Variants in PDZD2 observed in about 807,000 individuals in gnomAD.
PDZD2 encodes the protein PDZ domain-containing protein 2.
In PDZD2, 90 loss-of-function variants were observed where a neutral mutation model predicts 220.7. The observed-to-expected ratio is 0.41, with a 90% confidence interval of 0.34 to 0.49. The LOEUF is 0.49. Ranked by LOEUF, PDZD2 falls within the 20% of genes least tolerant of loss-of-function variation. PDZD2 has a pLI of 0.28. For missense variants in PDZD2, 3,174 were observed against 3,608.5 expected (o/e 0.88, Z 3.08); for synonymous variants, 1,375 against 1,450.5 (o/e 0.95, Z 1.18).
At chr5:32,025,956 A>G (rs1295083643) in intron 6 of PDZD2, among the ~76,000 whole-genome samples, 1 of 151,996 alleles carries the variant, frequency 6.6e-6, no homozygotes, top group African/African-American at 2.4e-5. Context: ...AGTTAAAACA[A>G]TCTTTTTCTG....
intron 1 of PDZD2, among the ~76,000 whole-genome samples, chr5:31,658,659 G>A (rs567940971): frequency 1.3e-4 from 20 of 150,344 alleles, no homozygotes; most frequent in African/African-American, 3.9e-4. Flanking sequence ...TCACTCTGTC[G>A]CCCAGGCTGG....
At chr5:31,832,168 C>T (rs569329167) in intron 2 of PDZD2, among the ~76,000 whole-genome samples, 1 of 152,254 alleles carries the variant, frequency 6.6e-6, no homozygotes, top group South Asian at 2.1e-4. Context: ...GTTTGGATTA[C>T]AGGCATGAGC....
intron 2 of PDZD2, among the ~76,000 whole-genome samples, chr5:31,875,572 T>G (rs1739223869): frequency 6.9e-6 from 1 of 144,826 alleles, no homozygotes. Flanking sequence ...GGTGACAGAG[T>G]GAGACCCTGT....
At chr5:31,989,424 T>TTTTTTTTTTTTTTTATTTATTTA (rs1751018076) in intron 3 of PDZD2, among the ~76,000 whole-genome samples, 1 of 136,688 alleles carries the variant, frequency 7.3e-6, no homozygotes, top group Non-Finnish European at 1.5e-5. Context: ...TTCTTTTCTT[T>TTTTTTTTTTTTTTTATTTATTTA]TTTTTTTTTT....
intron 5 of PDZD2, among the ~76,000 whole-genome samples, chr5:32,004,505 T>C (rs539238237): frequency 2.6e-5 from 4 of 152,318 alleles, no homozygotes; most frequent in African/African-American, 4.8e-5. Context: ...GCAAGAAGAT[T>C]GCTTGAGTTT....
chr5:31,896,737 A>G (rs1284026008), intron 2 of PDZD2, among the ~76,000 whole-genome samples: 1 of 152,220 alleles, frequency 6.6e-6, no homozygotes, highest in Non-Finnish European at 1.5e-5. Context: ...AGGTGGGAAT[A>G]TTGCTTGAGT....
chr5:31,751,559 A>G (rs1044860590), intron 1 of PDZD2, among the ~76,000 whole-genome samples: 6 of 151,246 alleles, frequency 4.0e-5, no homozygotes, highest in Admixed American at 3.3e-4. Context: ...TGGTAAGCCC[A>G]TGTGTTTGCT....
At chr5:31,862,009 C>G (rs1296923755) in intron 2 of PDZD2, among the ~76,000 whole-genome samples, 1 of 151,826 alleles carries the variant, frequency 6.6e-6, no homozygotes, top group Non-Finnish European at 1.5e-5. Flanking sequence ...ACACCCTACA[C>G]CATCTGTGAT....
chr5:31,682,508 A>G (rs746805638), intron 1 of PDZD2, among the ~76,000 whole-genome samples: 28 of 152,238 alleles, frequency 1.8e-4, no homozygotes, highest in Non-Finnish European at 3.4e-4. Context: ...GCACAATCCA[A>G]TACTATTAAC....
At chr5:31,984,303 T>C (rs1750538704) in intron 3 of PDZD2, among the ~76,000 whole-genome samples, 2 of 152,216 alleles carry the variant, frequency 1.3e-5, no homozygotes, top group South Asian at 4.1e-4. Context: ...AGGTGTATTC[T>C]GAATGATAAG....
At chr5:32,078,638 TAAAA>T (rs66500422) in intron 19 of PDZD2, among the ~76,000 whole-genome samples, 3 of 104,924 alleles carry the variant, frequency 2.9e-5, no homozygotes, top group African/African-American at 7.9e-5. Flanking sequence ...TCTCAAAAAT[TAAAA>T]AAAAAAAAAA....
Position 31,983,346 on chromosome 5 carries a change from C to T in PDZD2, c.668C>T (p.Ser223Phe). The T allele has an allele frequency of 8.7e-6, 14 of 1,614,176 alleles. No homozygotes were observed. The highest frequency in any genetic ancestry group is 1.3e-5 in the African/African-American group (1 of 75,026). Residue 223 changes from serine (S) to phenylalanine (F), a missense_variant, in exon 3 of 25, where the codon TCC becomes TTC. Ser to Phe is a radical substitution (Grantham distance 155). Transcript: ENST00000438447. The stretch of plus-strand genomic sequence containing the variant: ...CGAACCAGAAAGTTTGGGGTCATCT[C>T]CAGGCCTCCTGCCAACAAGGCCCCT... ...GKRTRKFGVI[S>F]RPPANKAPEE...
chr5:31,908,139 C>T (rs553737360), intron 2 of PDZD2, among the ~76,000 whole-genome samples: 43 of 147,406 alleles, frequency 2.9e-4, no homozygotes, highest in Non-Finnish European at 5.8e-4. Flanking sequence ...TAAATAGAAT[C>T]GAATAACATC....
intron 23 of PDZD2, chr5:32,100,881 G>C: frequency 6.3e-7 from 1 of 1,577,298 alleles, no homozygotes; most frequent in Non-Finnish European, 8.6e-7. Context: ...AACAAAGGAT[G>C]CAAGTACAGC....
chr5:31,798,117 C>T (rs1311399663), intron 1 of PDZD2, among the ~76,000 whole-genome samples: 1 of 152,100 alleles, frequency 6.6e-6, no homozygotes, highest in Non-Finnish European at 1.5e-5. Context: ...GCTGGCCCTG[C>T]TGTCTGCTGA....
At chr5:31,847,674 C>A (rs1757663945) in intron 2 of PDZD2, 6 of 608,744 alleles carry the variant, frequency 9.9e-6, no homozygotes, top group Non-Finnish European at 1.9e-5. Context: ...GCATTGATGG[C>A]CAGCCCGGTG....
chr5:32,068,129 G>A (rs1740382907), intron 14 of PDZD2, among the ~76,000 whole-genome samples: 1 of 143,682 alleles, frequency 7.0e-6, no homozygotes, highest in Non-Finnish European at 1.5e-5. Context: ...AATCATTCTT[G>A]TACTTTTTCT....
At chr5:31,902,284 T>C (rs988921152) in intron 2 of PDZD2, among the ~76,000 whole-genome samples, 1 of 152,144 alleles carries the variant, frequency 6.6e-6, no homozygotes, top group Non-Finnish European at 1.5e-5. Flanking sequence ...GCCAATCTAG[T>C]GTGTATAAAG....
chr5:31,774,535 G>A (rs1345906564), intron 1 of PDZD2, among the ~76,000 whole-genome samples: 1 of 152,018 alleles, frequency 6.6e-6, no homozygotes, highest in African/African-American at 2.4e-5. Flanking sequence ...CCAACATGGT[G>A]AAACCCTATC....
Sources: allele counts gnomAD v4.1 joint callset (sites outside exome capture counted in the v4.1 genomes callset), GRCh38; gene constraint gnomAD v4.1.1; transcripts MANE v1.5; gene names NCBI Gene and HGNC (gene_info 2026-07-23, HGNC 2026-07-21).